The following SGCZ variants were observed in gnomAD, a reference collection of about 807,000 sequenced individuals.
SGCZ encodes the protein zeta-sarcoglycan.
SGCZ carries 40 observed loss-of-function variants against 41.3 expected under a neutral mutation model. The ratio of observed to expected loss-of-function variants is 0.97; its 90% CI spans 0.75 to 1.26. SGCZ has a LOEUF of 1.26. Ranked by LOEUF, SGCZ falls within the 50% of genes most tolerant of loss-of-function variation. SGCZ has a pLI of 0.00. For missense variants in SGCZ, 552 were observed against 369.8 expected (o/e 1.49, Z -4.04); for synonymous variants, 206 against 137.5 (o/e 1.50, Z -3.49).
intron 5 of SGCZ, among the ~76,000 whole-genome samples, chr8:14,115,527 G>A (rs533299745): frequency 2.6e-5 from 4 of 151,878 alleles, no homozygotes; most frequent in Admixed American, 6.6e-5. Flanking sequence ...TTTACATAAA[G>A]TCTAGATAAG....
intron 1 of SGCZ, among the ~76,000 whole-genome samples, chr8:15,165,632 T>C (rs535173267): frequency 8.5e-5 from 13 of 152,312 alleles, no homozygotes; most frequent in African/African-American, 2.9e-4. Flanking sequence ...TGCTAGGAGT[T>C]AATTGAAACT....
chr8:15,014,315 G>A (rs1802943938), intron 1 of SGCZ, among the ~76,000 whole-genome samples: 1 of 152,166 alleles, frequency 6.6e-6, no homozygotes, highest in Non-Finnish European at 1.5e-5. Context: ...GCCCCCCAAG[G>A]CATTGATGCC....
At chr8:14,886,211 T>C (rs930647843) in intron 1 of SGCZ, among the ~76,000 whole-genome samples, 1 of 151,692 alleles carries the variant, frequency 6.6e-6, no homozygotes, top group Non-Finnish European at 1.5e-5. Flanking sequence ...TTAGCATACT[T>C]CATTTCAACA....
chr8:14,570,228 G>C (rs1258203317), intron 1 of SGCZ, among the ~76,000 whole-genome samples: 3 of 152,120 alleles, frequency 2.0e-5, no homozygotes, highest in Non-Finnish European at 2.9e-5. Context: ...AAATGACTTT[G>C]TAGCTACCAT....
chr8:14,454,598 G>T (rs1800689920), intron 2 of SGCZ, among the ~76,000 whole-genome samples: 1 of 152,046 alleles, frequency 6.6e-6, no homozygotes. Context: ...CAAAAACACT[G>T]TAAAAGAAAT....
intron 1 of SGCZ, among the ~76,000 whole-genome samples, chr8:15,174,681 A>T (rs268385): frequency 0.46 from 70,329 of 152,018 alleles, 17,090 homozygotes; most frequent in Non-Finnish European, 0.53. Context: ...TAAACGATCC[A>T]ATTTATCCAC....
In SGCZ at chr8:14,108,082, T is replaced by C. The variant is rs1363133628; in HGVS notation, c.620+81A>G. On this transcript the variant is annotated intron_variant, in intron 6 of 7. Coordinates refer to ENST00000382080, the MANE Select transcript of SGCZ (RefSeq NM_139167.4). Reference sequence around the variant, plus strand: ...TATATTGGGAGAAACATTTGTCTAGTTGTCTATTTTAGTTCTTCATATATT... The same window carrying C: ...TATATTGGGAGAAACATTTGTCTAGCTGTCTATTTTAGTTCTTCATATATT... The C allele has an allele frequency of 5.3e-6, 6 of 1,137,370 alleles. No individual in the cohort carries two copies. The African/African-American group carries it at 6.2e-5, about 12-fold the overall frequency. 70.5% of individuals were successfully genotyped at this position (1,137,370 alleles called of 1,614,324 possible).
intron 1 of SGCZ, among the ~76,000 whole-genome samples, chr8:14,806,106 T>C (rs929416929): frequency 2.1e-4 from 32 of 151,648 alleles, no homozygotes; most frequent in African/African-American, 6.3e-4. Flanking sequence ...TTTATAGCAC[T>C]AAATGCCCAC....
At chr8:14,994,585 C>CAA (rs72144514) in intron 1 of SGCZ, among the ~76,000 whole-genome samples, 76 of 127,706 alleles carry the variant, frequency 6.0e-4, no homozygotes, top group African/African-American at 1.5e-3. Flanking sequence ...ACTGTGCATC[C>CAA]AAAAAAAAAA....
intron 1 of SGCZ, among the ~76,000 whole-genome samples, chr8:14,809,451 T>C (rs992133351): frequency 1.3e-5 from 2 of 152,124 alleles, no homozygotes; most frequent in Non-Finnish European, 2.9e-5. Context: ...ACACAAAGTG[T>C]CCTGAAGACA....
intron 2 of SGCZ, among the ~76,000 whole-genome samples, chr8:14,415,814 A>C (rs1244906567): frequency 1.3e-5 from 2 of 151,954 alleles, no homozygotes; most frequent in Non-Finnish European, 2.9e-5. Context: ...CACACTACAT[A>C]TTACAGATGA....
rs980454857 is a variant in SGCZ, at chr8:14,649,501, A to G, written c.40-94575T>C. Among the ~76,000 whole-genome samples, 2 of 152,084 alleles carry G rather than the reference A, an allele frequency of 1.3e-5. 1 individual carries two copies. Among genetic ancestry groups the G allele is most frequent in the East Asian group, 3.9e-4 (2 of 5,168 alleles). On this transcript the variant is annotated intron_variant, in intron 1 of 7. Coordinates refer to ENST00000382080, the MANE Select transcript of SGCZ (RefSeq NM_139167.4). ...AAACTAAAAGAGACAGATGGCAAAG[A>G]TGGAAGAACAGGTCAACGGAAGGAG...
chr8:14,934,157 A>G (rs559077210), intron 1 of SGCZ, among the ~76,000 whole-genome samples: 92 of 152,090 alleles, frequency 6.0e-4, no homozygotes, highest in African/African-American at 2.2e-3. Flanking sequence ...AATAAAACTT[A>G]TGGACAGTGT....
intron 5 of SGCZ, among the ~76,000 whole-genome samples, chr8:14,117,403 C>T (rs1802555671): frequency 2.9e-5 from 2 of 68,180 alleles, no homozygotes; most frequent in Admixed American, 2.1e-4. Flanking sequence ...CTGAGATGCA[C>T]ACATCTGTGT....
intron 1 of SGCZ, among the ~76,000 whole-genome samples, chr8:15,066,558 T>A (rs1805155921): frequency 6.6e-6 from 1 of 152,234 alleles, no homozygotes; most frequent in African/African-American, 2.4e-5. Flanking sequence ...TCAACTTTTA[T>A]AATTCTTTCT....
chr8:15,210,147 C>A (rs1801192081), intron 1 of SGCZ, among the ~76,000 whole-genome samples: 1 of 152,106 alleles, frequency 6.6e-6, no homozygotes, highest in South Asian at 2.1e-4. Flanking sequence ...GAAAGGATTT[C>A]TTTTCAGAAA....
chr8:14,209,999 C>T (rs904196588), intron 4 of SGCZ, among the ~76,000 whole-genome samples: 1 of 62,352 alleles, frequency 1.6e-5, no homozygotes, highest in East Asian at 6.1e-4. Context: ...AACTGTAAAG[C>T]CTTCAGATTC....
intron 1 of SGCZ, among the ~76,000 whole-genome samples, chr8:14,856,646 C>T (rs78482806): frequency 6.6e-6 from 1 of 152,058 alleles, no homozygotes; most frequent in African/African-American, 2.4e-5. Context: ...ATTCCAGTTT[C>T]TACTGATTGT....
chr8:14,377,854 T>G (rs540315591), intron 2 of SGCZ, among the ~76,000 whole-genome samples: 2 of 152,046 alleles, frequency 1.3e-5, no homozygotes, highest in South Asian at 4.1e-4. Flanking sequence ...ACAAAGGACA[T>G]GAACTCATCA....
Sources: allele counts gnomAD v4.1 joint callset (sites outside exome capture counted in the v4.1 genomes callset), GRCh38; gene constraint gnomAD v4.1.1; transcripts MANE v1.5; gene names NCBI Gene and HGNC (gene_info 2026-07-23, HGNC 2026-07-21).